The following DOK7 variants were observed in gnomAD, a reference collection of about 807,000 sequenced individuals.
DOK7 encodes the protein docking protein 7.
A neutral mutation model predicts 30.7 loss-of-function variants in DOK7; 32 were observed. The ratio of observed to expected loss-of-function variants is 1.04; its 90% CI spans 0.79 to 1.40. DOK7 has a LOEUF of 1.40. Among genes scored for constraint, DOK7 ranks in the 40% most tolerant of loss-of-function variants. The probability of loss-of-function intolerance (pLI) is 0.00; values close to 1 mark genes in which losing one functional copy is unlikely to be tolerated. For missense variants in DOK7, 1,007 were observed against 699.2 expected, an observed-to-expected ratio of 1.44 and a Z score of -4.97; for synonymous variants, 447 against 324.1, an observed-to-expected ratio of 1.38 and a Z score of -4.07.
rs1560224657 is a variant in DOK7 at position 3,489,730 on chromosome 4, C to T, written c.706C>T (p.Leu236=). 2 of 1,566,944 alleles carry T rather than the reference C, an allele frequency of 1.3e-6. No homozygotes were observed. The highest frequency in any genetic ancestry group is 1.7e-6 in the Non-Finnish European group (2 of 1,155,958). The change falls in exon 6 of 7, where the codon CTG becomes TTG. Residue 236 remains leucine, a synonymous_variant. Coordinates refer to ENST00000340083, the MANE Select transcript of DOK7 (RefSeq NM_173660.5). ...TVEERVAQEA[L]ETLQLEKRLS... is the part of the protein sequence containing the mutation. ...GGAGGAGCGTGTGGCCCAGGAAGCC[C>T]TGGAAACCCTACAGCTGGAGAAGCG...
intron 2 of DOK7, among the ~76,000 whole-genome samples, chr4:3,469,117 T>C (rs1238645660): frequency 6.6e-6 from 1 of 150,452 alleles, no homozygotes. Context: ...CATGTATGTG[T>C]GCACACATTG....
intron 3 of DOK7, 139 bp from the exon 4 acceptor site, chr4:3,476,203 C>CT: frequency 1.5e-6 from 1 of 650,978 alleles, no homozygotes; most frequent in Non-Finnish European, 2.5e-6. Context: ...TCACCTCACC[C>CT]GCCCATGATG....
chr4:3,484,241 C>T (rs532913633), intron 4 of DOK7, among the ~76,000 whole-genome samples: 3 of 152,358 alleles, frequency 2.0e-5, no homozygotes, highest in Non-Finnish European at 2.9e-5. Flanking sequence ...AGGTGCCGCT[C>T]GCCCTCGTGT....
At chr4:3,482,100 A>G (rs1727473827) in intron 4 of DOK7, among the ~76,000 whole-genome samples, 1 of 152,000 alleles carries the variant, frequency 6.6e-6, no homozygotes, top group South Asian at 2.1e-4. Flanking sequence ...GGGCTCCTAT[A>G]CAGCCCTTTG....
intron 4 of DOK7, among the ~76,000 whole-genome samples, chr4:3,482,215 G>C (rs1727480724): frequency 6.6e-6 from 1 of 152,166 alleles, no homozygotes; most frequent in Admixed American, 6.5e-5. Flanking sequence ...GCCACACCTA[G>C]CGGCTGGCGG....
downstream of DOK7, chr4:3,496,848 C>A (rs557552782): frequency 1.3e-6 from 2 of 1,535,152 alleles, no homozygotes; most frequent in African/African-American, 1.4e-5. Context: ...CCAGGACCTG[C>A]GACAGCACAT....
At chr4:3,486,929 GAGCAGAGGGA>G (rs1167142884) in intron 5 of DOK7, among the ~76,000 whole-genome samples, 2 of 152,126 alleles carry the variant, frequency 1.3e-5, no homozygotes, top group Non-Finnish European at 2.9e-5. Flanking sequence ...AGTTCCCGGG[GAGCAGAGGGA>G]AGCAGGGAAG....
At chr4:3,467,461 C>CA (rs888625013) in intron 2 of DOK7, among the ~76,000 whole-genome samples, 4 of 134,996 alleles carry the variant, frequency 3.0e-5, no homozygotes, top group Non-Finnish European at 3.3e-5. Context: ...CCCCCCCCCC[C>CA]ACCCCAGACA....
intron 5 of DOK7, 35 bp from the exon 6 acceptor site, chr4:3,489,642 G>T: frequency 6.4e-7 from 1 of 1,558,908 alleles, no homozygotes; most frequent in Non-Finnish European, 8.7e-7. Flanking sequence ...GGCGGTGGTG[G>T]CCACCTCCTC....
chr4:3,480,635 C>T (rs757272766), intron 4 of DOK7, among the ~76,000 whole-genome samples: 3 of 152,186 alleles, frequency 2.0e-5, no homozygotes, highest in Non-Finnish European at 4.4e-5. Context: ...GAATGAAAAC[C>T]TGAACTAGGA....
At chr4:3,500,614 G>C in intron 7 of DOK7, 1 of 1,531,832 alleles carries the variant, frequency 6.5e-7, no homozygotes, top group Non-Finnish European at 8.7e-7. Flanking sequence ...GCCTGGCTGG[G>C]GGACTGGTGT....
At chr4:3,481,798 AATTGGCTC>A (rs1727458196) in intron 4 of DOK7, among the ~76,000 whole-genome samples, 1 of 152,200 alleles carries the variant, frequency 6.6e-6, no homozygotes, top group East Asian at 1.9e-4. Flanking sequence ...TCTTAGATCT[AATTGGCTC>A]ATTAAATGTC....
chr4:3,501,169 G>A (rs2699406), exon 8 of DOK7: 193,972 of 336,264 alleles, frequency 0.58, 58,875 homozygotes, highest in East Asian at 0.92. Flanking sequence ...ATGGTTTGTG[G>A]TGCCTGGGAT....
chr4:3,466,031 C>G (rs1377816313), intron 2 of DOK7, among the ~76,000 whole-genome samples: 1 of 152,214 alleles, frequency 6.6e-6, no homozygotes, highest in Non-Finnish European at 1.5e-5. Flanking sequence ...ACAGGGGCTG[C>G]CCCTGGGGGC....
chr4:3,494,894 T>G (rs1728817688), downstream of DOK7, among the ~76,000 whole-genome samples: 1 of 152,158 alleles, frequency 6.6e-6, no homozygotes. Context: ...CAGTCACCCC[T>G]GCACATCTGT....
At chr4:3,482,711 C>G (rs1727506371) in intron 4 of DOK7, among the ~76,000 whole-genome samples, 1 of 152,222 alleles carries the variant, frequency 6.6e-6, no homozygotes, top group African/African-American at 2.4e-5. Flanking sequence ...AACACACAGG[C>G]AAACAGGAAA....
rs761703608 is a variant in DOK7, at chr4:3,493,389, G to GCCCTGC, written c.1409_1414dup (p.Ala470_Pro471dup). On this transcript the variant is annotated inframe_insertion, in exon 7 of 7. Coordinates refer to ENST00000340083, the MANE Select transcript of DOK7 (RefSeq NM_173660.5). ...CAGGGCAGCGAGGCCACACTGCCTG[G>GCCCTGC]CCCTGCCCCTGGCGAGCCCTGGGAA... 4 of 1,594,850 alleles carry GCCCTGC rather than the reference G, an allele frequency of 2.5e-6. No homozygotes were observed. Among genetic ancestry groups the GCCCTGC allele is most frequent in the African/African-American group, 1.3e-5 (1 of 74,802 alleles).
intron 4 of DOK7, chr4:3,484,501 G>A (rs963926157): frequency 1.8e-5 from 18 of 985,470 alleles, no homozygotes; most frequent in Non-Finnish European, 2.2e-5. Flanking sequence ...GTGAGGTGAC[G>A]CCAGCCGGAG....
intron 2 of DOK7, among the ~76,000 whole-genome samples, chr4:3,467,525 G>A (rs576673467): frequency 1.2e-3 from 177 of 148,068 alleles, no homozygotes; most frequent in Non-Finnish European, 2.2e-3. Context: ...TTTCCCTGTG[G>A]CTGTGGAGGT....
Sources: gnomAD v4.1 joint callset for allele counts (sites outside exome capture counted in the v4.1 genomes callset) on GRCh38, gnomAD v4.1.1 for gene constraint, MANE v1.5 for transcripts, NCBI Gene and HGNC (gene_info 2026-07-23, HGNC 2026-07-21) for gene names.